TBC1D12: variants seen among roughly 807,000 people sequenced by gnomAD.
TBC1D12 encodes TBC1 domain family, member 12.
Under a neutral mutation model 86.7 loss-of-function variants are expected in TBC1D12, and 56 were observed. That is an observed-to-expected ratio of 0.65 (90% CI 0.52 to 0.81). TBC1D12 has a LOEUF of 0.81. Ranked by LOEUF, TBC1D12 falls within the 30% of genes least tolerant of loss-of-function variation. The probability of loss-of-function intolerance (pLI) is 0.00; values close to 1 mark genes in which losing one functional copy is unlikely to be tolerated. For synonymous variants in TBC1D12, 421 were observed against 411.7 expected (o/e 1.02, Z -0.27); for missense variants, 1,023 against 1,038.8 (o/e 0.98, Z 0.21).
intron 9 of TBC1D12, among the ~76,000 whole-genome samples, chr10:94,512,802 T>A (rs1180897094): frequency 6.6e-6 from 1 of 152,240 alleles, no homozygotes; most frequent in Non-Finnish European, 1.5e-5. Context: ...TAAACTCTCT[T>A]ACTCAGGTAT....
intron 2 of TBC1D12, 63 bp downstream of exon 2, chr10:94,442,082 CT>C (rs78976375): frequency 0.21 from 244,337 of 1,169,958 alleles, 4,625 homozygotes; most frequent in African/African-American, 0.3. Context: ...TCTTCTTCTT[CT>C]TTTTTTTTTT....
At chr10:94,483,419 C>T (rs2056108340) in intron 3 of TBC1D12, among the ~76,000 whole-genome samples, 1 of 152,142 alleles carries the variant, frequency 6.6e-6, no homozygotes, top group Non-Finnish European at 1.5e-5. Flanking sequence ...TCCTCTTCAG[C>T]ATTTGATATT....
chr10:94,508,246 T>C (rs930066613), intron 7 of TBC1D12, among the ~76,000 whole-genome samples: 4 of 151,182 alleles, frequency 2.6e-5, no homozygotes, highest in Admixed American at 6.6e-5. Context: ...TACTCTCTCT[T>C]TTTTTTTTCT....
At chr10:94,410,148 A>G (rs1253125951) in intron 1 of TBC1D12, among the ~76,000 whole-genome samples, 1 of 152,192 alleles carries the variant, frequency 6.6e-6, no homozygotes, top group African/African-American at 2.4e-5. Context: ...GATGCTGTTG[A>G]CAGATAAATA....
In TBC1D12 at chr10:94,402,939, G is replaced by A. The variant is rs772103533; in HGVS notation, c.326G>A (p.Cys109Tyr). 3.2e-6 allele frequency: 5 copies of A among 1,552,760 alleles called. No individual in the cohort carries two copies. In the Admixed American group the frequency reaches 9.6e-5, roughly 30 times the overall value. Residue 109 changes from cysteine to tyrosine, a missense_variant, in exon 1 of 13, where the codon TGC (cysteine) becomes TAC (tyrosine). Around this residue, in one of 2 missense-constraint regions of TBC1D12, gnomAD observed 628 missense variants for 531.1 expected, o/e 1.18. Transcript: ENST00000225235. The stretch of plus-strand genomic sequence containing the variant: ...TCGGCAGCCCCACGATCGGACGCCT[G>A]CCTGCTGGGCTCGGGCTCCAAACAC... The part of the protein sequence containing the change: ...PPSAAPRSDA[C>Y]LLGSGSKHRG...
intron 11 of TBC1D12, among the ~76,000 whole-genome samples, chr10:94,529,511 G>T (rs1025850787): frequency 2.0e-5 from 3 of 151,140 alleles, no homozygotes; most frequent in African/African-American, 7.4e-5. Flanking sequence ...ACAGCTACTC[G>T]GGAGGCTGAG....
At chr10:94,527,515 C>T (rs562629301) in intron 11 of TBC1D12, among the ~76,000 whole-genome samples, 67 of 143,744 alleles carry the variant, frequency 4.7e-4, no homozygotes, top group African/African-American at 1.5e-3. Context: ...TTTTTTTATG[C>T]TATTGATTGC....
intron 1 of TBC1D12, among the ~76,000 whole-genome samples, chr10:94,419,679 A>G (rs1367651056): frequency 2.0e-5 from 3 of 152,174 alleles, no homozygotes; most frequent in Non-Finnish European, 4.4e-5. Flanking sequence ...AGGGAAAAAA[A>G]AGACAAACTT....
At chr10:94,501,710 C>G (rs1386862337) in intron 6 of TBC1D12, among the ~76,000 whole-genome samples, 1 of 151,472 alleles carries the variant, frequency 6.6e-6, no homozygotes, top group East Asian at 2.0e-4. Flanking sequence ...CCACGCCTGG[C>G]TAATTTTTTG....
At chr10:94,474,164 G>T (rs2055951833) in intron 2 of TBC1D12, among the ~76,000 whole-genome samples, 1 of 152,078 alleles carries the variant, frequency 6.6e-6, no homozygotes, top group Non-Finnish European at 1.5e-5. Flanking sequence ...TAGGAAGTAG[G>T]CTTATCTAGT....
At chr10:94,523,414 T>C (rs1842207411) in intron 11 of TBC1D12, among the ~76,000 whole-genome samples, 1 of 152,050 alleles carries the variant, frequency 6.6e-6, no homozygotes, top group African/African-American at 2.4e-5. Flanking sequence ...CAAGGGCTTA[T>C]GATAGTTATA....
At chr10:94,520,968 G>A (rs956169398) in intron 9 of TBC1D12, among the ~76,000 whole-genome samples, 2 of 152,086 alleles carry the variant, frequency 1.3e-5, no homozygotes, top group African/African-American at 4.8e-5. Context: ...GCCCATTGCA[G>A]TTATTCTTAA....
intron 11 of TBC1D12, among the ~76,000 whole-genome samples, chr10:94,523,046 A>AG (rs1214068396): frequency 6.7e-6 from 1 of 148,624 alleles, no homozygotes; most frequent in Non-Finnish European, 1.5e-5. Context: ...TCCAGCTCAA[A>AG]AAAAAAAAAA....
At chr10:94,453,028 A>G (rs1352364309) in intron 2 of TBC1D12, among the ~76,000 whole-genome samples, 1 of 152,196 alleles carries the variant, frequency 6.6e-6, no homozygotes, top group Non-Finnish European at 1.5e-5. Context: ...CCCTAATGAC[A>G]TATGATGTTG....
intron 11 of TBC1D12, among the ~76,000 whole-genome samples, chr10:94,524,612 G>A (rs1472584304): frequency 6.6e-6 from 1 of 151,460 alleles, no homozygotes; most frequent in East Asian, 1.9e-4. Context: ...GGTGGTGCAT[G>A]CCTGTAGTCC....
chr10:94,484,012 C>T (rs1311221492), intron 3 of TBC1D12, among the ~76,000 whole-genome samples: 1 of 152,072 alleles, frequency 6.6e-6, no homozygotes, highest in Non-Finnish European at 1.5e-5. Flanking sequence ...ATCCAAATTT[C>T]CCAGTATCAT....
chr10:94,521,680 C>T (rs961343080), intron 9 of TBC1D12, among the ~76,000 whole-genome samples: 5 of 152,188 alleles, frequency 3.3e-5, no homozygotes, highest in East Asian at 1.9e-4. Context: ...CTAGGTAATA[C>T]GCTGAGATAG....
intron 4 of TBC1D12, 140 bp from the exon 5 acceptor site, chr10:94,496,915 C>A: frequency 2.4e-6 from 1 of 415,382 alleles, no homozygotes; most frequent in Non-Finnish European, 4.3e-6. Context: ...TTTCCCTGTC[C>A]CTCCCTCCCT....
At chr10:94,533,005 T>C in intron 12 of TBC1D12, 23 bp from the exon 13 acceptor site, 1 of 1,374,658 alleles carries the variant, frequency 7.3e-7, no homozygotes, top group Non-Finnish European at 1.0e-6. Flanking sequence ...TGAGGATTAA[T>C]CTTTATTTTA....
Sources: gnomAD v4.1 joint callset for allele counts (sites outside exome capture counted in the v4.1 genomes callset) on GRCh38, gnomAD v4.1.1 for gene constraint, gnomAD v4.1.1 regional missense constraint, MANE v1.5 for transcripts, NCBI Gene and HGNC (gene_info 2026-07-23, HGNC 2026-07-21) for gene names.